CBX5: variants seen among roughly 807,000 people sequenced by gnomAD.
CBX5 encodes chromobox protein homolog 5.
A neutral mutation model predicts 20.7 loss-of-function variants in CBX5; 7 were observed. That is an observed-to-expected ratio of 0.34 (90% CI 0.19 to 0.63). The LOEUF (loss-of-function observed/expected upper bound fraction) is 0.63, where lower values mean the gene tolerates loss of function less well. CBX5 is among the 30% of genes least tolerant of loss of function. The pLI is 0.75. For synonymous variants in CBX5, 78 were observed against 77.0 expected (o/e 1.01, Z -0.07); for missense variants, 110 against 224.1 (o/e 0.49, Z 3.25).
chr12:54,257,470 T>C lies in CBX5; in HGVS notation c.137+44A>G, dbSNP rs917773946. On this transcript the variant is annotated intron_variant, in intron 2 of 4. Transcript: ENST00000209875. ...CCTAAGGAAGTAAACCAAAGGTATC[T>C]ATCTCTACAGAGTCCCAACGCCTGG... 5.0e-6 allele frequency: 8 copies of C among 1,602,162 alleles called. No homozygotes were observed. The African/African-American group carries it at 1.1e-4, about 22-fold the overall frequency.
chr12:54,276,710 A>G (rs565308351), intron 1 of CBX5: 3 of 152,342 alleles, frequency 2.0e-5, no homozygotes, highest in African/African-American at 7.2e-5. Context: ...AATCAGTTCA[A>G]TGGAAATTGA....
intron 1 of CBX5, among the ~76,000 whole-genome samples, chr12:54,278,259 C>G (rs1177082303): frequency 6.6e-6 from 1 of 152,202 alleles, no homozygotes; most frequent in Non-Finnish European, 1.5e-5. Flanking sequence ...AGTGCTAATG[C>G]TGAGAAACCT....
chr12:54,251,659 T>G (rs1409714138), intron 3 of CBX5, among the ~76,000 whole-genome samples: 1 of 152,160 alleles, frequency 6.6e-6, no homozygotes, highest in Admixed American at 6.6e-5. Flanking sequence ...CACTCCAGCC[T>G]GGGCAACAGA....
intron 3 of CBX5, 71 bp downstream of exon 3, chr12:54,251,970 A>T (rs572509224): frequency 7.5e-7 from 1 of 1,333,340 alleles, no homozygotes; most frequent in Non-Finnish European, 1.0e-6. Flanking sequence ...CCAAAATATG[A>T]TACTTTTATT....
intron 1 of CBX5, 69 bp from the exon 2 acceptor site, chr12:54,257,761 G>A: frequency 8.7e-7 from 1 of 1,143,114 alleles, no homozygotes; most frequent in South Asian, 1.4e-5. Context: ...TTTCTTGATG[G>A]GATGAAAAGG....
intron 1 of CBX5, among the ~76,000 whole-genome samples, chr12:54,269,240 G>A (rs1196273141): frequency 6.6e-6 from 1 of 152,086 alleles, no homozygotes; most frequent in Non-Finnish European, 1.5e-5. Context: ...TCCAGCCAGG[G>A]TGACAGAGCG....
chr12:54,267,493 T>C (rs988408575), intron 1 of CBX5, among the ~76,000 whole-genome samples: 3 of 152,042 alleles, frequency 2.0e-5, no homozygotes, highest in African/African-American at 4.8e-5. Flanking sequence ...GAAGAGCCTG[T>C]GTTAAGTCAG....
chr12:54,255,645 A>G (rs1262578240), intron 2 of CBX5: 2 of 152,082 alleles, frequency 1.3e-5, no homozygotes, highest in Non-Finnish European at 1.5e-5. Flanking sequence ...GGGTCTTGCT[A>G]TGTTAACCAG....
At chr12:54,245,629 T>TA (rs1396321599) in intron 4 of CBX5, among the ~76,000 whole-genome samples, 12 of 151,938 alleles carry the variant, frequency 7.9e-5, no homozygotes, top group Non-Finnish European at 1.3e-4. Flanking sequence ...CTGTCTCTAC[T>TA]AAAAATATAA....
chr12:54,245,682 T>C (rs934142998), intron 4 of CBX5, among the ~76,000 whole-genome samples: 3 of 152,110 alleles, frequency 2.0e-5, no homozygotes, highest in Non-Finnish European at 4.4e-5. Context: ...TCCCAGCTAC[T>C]CGGGAGGCTG....
At chr12:54,279,321 G>C (rs1201172530) in intron 1 of CBX5, among the ~76,000 whole-genome samples, 1 of 152,064 alleles carries the variant, frequency 6.6e-6, no homozygotes, top group Non-Finnish European at 1.5e-5. Context: ...AACAACTCCT[G>C]TTCCCCAAAC....
Position 54,233,130 on chromosome 12 carries a change from C to G in CBX5, c.*8625G>C, listed in dbSNP as rs1440194244. 1 of 152,174 alleles carries G rather than the reference C, an allele frequency of 6.6e-6. No individual in the cohort carries two copies. Among genetic ancestry groups the G allele is most frequent in the Non-Finnish European group, 1.5e-5 (1 of 68,046 alleles). 9.4% of individuals were successfully genotyped at this position (152,174 alleles called of 1,614,324 possible). On this transcript the variant is annotated 3_prime_UTR_variant, in exon 5 of 5. Coordinates refer to ENST00000209875, the MANE Select transcript of CBX5 (RefSeq NM_012117.3). The stretch of plus-strand genomic sequence containing the variant: ...AGCTCAACTTCAAGAGTTACAGCAT[C>G]TTCAAAAACACCTCAAGGGTAAGGA...
At chr12:54,279,967 T>C (rs1202100563) in intron 1 of CBX5, 41 bp downstream of exon 1, 1 of 152,156 alleles carries the variant, frequency 6.6e-6, no homozygotes. Context: ...TGGAGTCAGT[T>C]CAAGACCTAC....
chr12:54,278,230 T>C (rs2137035535), intron 1 of CBX5, among the ~76,000 whole-genome samples: 1 of 152,290 alleles, frequency 6.6e-6, no homozygotes, highest in Non-Finnish European at 1.5e-5. Context: ...CAAAGAATTA[T>C]CTGCCTCAAA....
At chr12:54,261,077 G>A (rs1226393358) in intron 1 of CBX5, among the ~76,000 whole-genome samples, 1 of 151,450 alleles carries the variant, frequency 6.6e-6, no homozygotes, top group Non-Finnish European at 1.5e-5. Context: ...TGTAATCCCA[G>A]CTACTTGGGA....
chr12:54,262,458 T>A (rs1319626419), intron 1 of CBX5, among the ~76,000 whole-genome samples: 1 of 152,230 alleles, frequency 6.6e-6, no homozygotes, highest in Non-Finnish European at 1.5e-5. Context: ...TTGGGCCTGA[T>A]GCCAGGAGTC....
intron 3 of CBX5, among the ~76,000 whole-genome samples, chr12:54,246,496 G>A (rs1000095385): frequency 4.6e-5 from 7 of 151,978 alleles, no homozygotes; most frequent in Admixed American, 6.6e-5. Context: ...AAGATACTCC[G>A]GAGTCAGAGG....
Position 54,241,572 on chromosome 12 carries a change from T to TCA in CBX5, c.*181_*182dup. ...CCTGGTCTTCACAGAGAGACACTTA[T>TCA]CATTAATCAGACCATCAGTTATGTT... On this transcript the variant is annotated 3_prime_UTR_variant, in exon 5 of 5. Transcript: ENST00000209875. 1 of 587,870 alleles carries TCA rather than the reference T, an allele frequency of 1.7e-6. No individual in the cohort carries two copies. The highest frequency in any genetic ancestry group is 2.9e-6 in the Non-Finnish European group (1 of 339,658). The allele number at this position is 587,870 out of a possible 1,614,324, so 36.4% of individuals were successfully genotyped here.
intron 2 of CBX5, among the ~76,000 whole-genome samples, chr12:54,253,156 C>T (rs1393343074): frequency 6.6e-6 from 1 of 151,934 alleles, no homozygotes; most frequent in Non-Finnish European, 1.5e-5. Context: ...TTAATTGGAG[C>T]CAGGCACAGT....
Sources: gnomAD v4.1 joint callset for allele counts (sites outside exome capture counted in the v4.1 genomes callset) on GRCh38, gnomAD v4.1.1 for gene constraint, MANE v1.5 for transcripts, NCBI Gene and HGNC (gene_info 2026-07-23, HGNC 2026-07-21) for gene names.